Variants in SMARCB1 observed in about 807,000 individuals in gnomAD.
The protein encoded by SMARCB1 is SWI/SNF-related matrix-associated actin-dependent regulator of chromatin subfamily B member 1.
A neutral mutation model predicts 49.0 loss-of-function variants in SMARCB1; 5 were observed. That is an observed-to-expected ratio of 0.10 (90% CI 0.05 to 0.21). SMARCB1 has a LOEUF of 0.21. Among genes scored for constraint, SMARCB1 ranks in the 10% least tolerant of loss-of-function variants. The pLI is 1.00. For missense variants in SMARCB1, 226 were observed against 509.2 expected (o/e 0.44, Z 5.35); for synonymous variants, 201 against 200.1 (o/e 1.00, Z -0.04).
In SMARCB1 at chr22:23,834,242, T is replaced by C. The variant is rs1015452171; in HGVS notation, c.*62T>C. On this transcript the variant is annotated 3_prime_UTR_variant, in exon 9 of 9. Transcript: ENST00000644036. Reference sequence around the variant, plus strand: ...AGAAGATTGGGCCGCCTCTCCTCCATCTTCTGGCAAGGACAGAGGCGAGGG... The same window carrying C: ...AGAAGATTGGGCCGCCTCTCCTCCACCTTCTGGCAAGGACAGAGGCGAGGG... The C allele has an allele frequency of 2.0e-5, 31 of 1,518,958 alleles. 1 individual carries two copies. In the Middle Eastern group the frequency reaches 6.7e-4, roughly 33 times the overall value. 94.1% of individuals were successfully genotyped at this position (1,518,958 alleles called of 1,614,324 possible). A position where few individuals can be genotyped will look rare whatever the true frequency, so the allele number is the denominator to read the frequency against.
At position 23,801,661 on chromosome 22, in the gene SMARCB1, C is replaced by T. The variant is rs34998719; in HGVS notation, c.500+580C>T. 1,372 of 316,518 alleles carry T rather than the reference C, an allele frequency of 4.3e-3. 14 individuals are homozygous for T. The highest frequency in any genetic ancestry group is 0.018 in the South Asian group (669 of 36,906). The allele number at this position is 316,518 out of a possible 1,614,324, so 19.6% of individuals were successfully genotyped here. A position where few individuals can be genotyped will look rare whatever the true frequency, so the allele number is the denominator to read the frequency against. Reference sequence around the variant, plus strand: ...GTTCCAGTCTCAGCCTCTGTGGTCACGTGGCCTTCTCTGCATGAAACTTCC... The same window carrying T: ...GTTCCAGTCTCAGCCTCTGTGGTCATGTGGCCTTCTCTGCATGAAACTTCC... On this transcript the variant is annotated intron_variant, in intron 4 of 8. Transcript: ENST00000644036.
At chr22:23,807,208 A>T (rs144845368) in intron 5 of SMARCB1, among the ~76,000 whole-genome samples, 146 of 152,218 alleles carry the variant, frequency 9.6e-4, no homozygotes, top group African/African-American at 3.1e-3. Context: ...CTGTCTTGGC[A>T]CACAGGCAAA....
chr22:23,821,082 C>CT (rs2030061388), intron 6 of SMARCB1, among the ~76,000 whole-genome samples: 1 of 152,234 alleles, frequency 6.6e-6, no homozygotes, highest in Non-Finnish European at 1.5e-5. Flanking sequence ...TGTAATCCTC[C>CT]TGGGGCTGTT....
intron 5 of SMARCB1, among the ~76,000 whole-genome samples, chr22:23,806,460 G>A (rs1178833264): frequency 6.6e-6 from 1 of 152,246 alleles, no homozygotes; most frequent in African/African-American, 2.4e-5. Flanking sequence ...TGTAAGAGCT[G>A]TGATTCTTAA....
At chr22:23,797,340 G>C (rs182353544) in intron 3 of SMARCB1, among the ~76,000 whole-genome samples, 3 of 134,486 alleles carry the variant, frequency 2.2e-5, no homozygotes, top group African/African-American at 8.5e-5. Flanking sequence ...ACGGAGTTTC[G>C]CTCTGTCGCC....
intron 5 of SMARCB1, among the ~76,000 whole-genome samples, chr22:23,814,452 G>C (rs1422241486): frequency 2.0e-5 from 3 of 152,090 alleles, no homozygotes; most frequent in Non-Finnish European, 4.4e-5. Context: ...GATCACCTGA[G>C]ATCACGAGTT....
Position 23,816,793 on chromosome 22 carries a change from T to C in SMARCB1, c.652T>C (p.Phe218Leu), listed in dbSNP as rs2146009419. 8 of 1,613,998 alleles carry C rather than the reference T, an allele frequency of 5.0e-6. No individual in the cohort carries two copies. Among genetic ancestry groups the C allele is most frequent in the Non-Finnish European group, 6.8e-6 (8 of 1,180,000 alleles). The change falls in exon 6 of 9, where the codon TTT (phenylalanine) becomes CTT (leucine). Residue 218 changes from phenylalanine to leucine, a missense_variant. By Grantham distance (22) the Phe-to-Leu change is conservative. This residue lies in a region of SMARCB1 where 128 missense variants were observed against 263.9 expected (regional missense o/e 0.49). Transcript: ENST00000644036. ...MNEKLMTPEM[F>L]SEILCDDLDL... The stretch of plus-strand genomic sequence containing the variant: ...AGAGAAGTTGATGACGCCTGAGATG[T>C]TTTCAGAAATCCTCTGTGACGATCT...
At chr22:23,809,529 G>T (rs1333363693) in intron 5 of SMARCB1, among the ~76,000 whole-genome samples, 1 of 151,820 alleles carries the variant, frequency 6.6e-6, no homozygotes, top group African/African-American at 2.4e-5. Context: ...GCCCACCTCG[G>T]CCTCCCAAAG....
rs772788649 is a variant in SMARCB1, at chr22:23,803,311, C to T, written c.517C>T (p.Pro173Ser). The change falls in exon 5 of 9, where the codon CCA (proline) becomes TCA (serine). Residue 173 changes from proline (P) to serine (S), a missense_variant. By Grantham distance (74) the Pro-to-Ser change is moderately conservative (BLOSUM62 -1). Around this residue, in one of 6 missense-constraint regions of SMARCB1, gnomAD observed 128 missense variants for 263.9 expected, o/e 0.49. Coordinates refer to ENST00000644036, the MANE Select transcript of SMARCB1 (RefSeq NM_003073.5). Reference sequence around the variant, plus strand: ...CACTTTCAGCTTTGATGACCATGACCCAGCTGTGATCCATGAGAACGCATC... The same window carrying T: ...CACTTTCAGCTTTGATGACCATGACTCAGCTGTGATCCATGAGAACGCATC... ...TFPLCFDDHDPAVIHENASQP... is the reference protein window; with the variant it reads ...TFPLCFDDHDSAVIHENASQP... 4 of 1,614,066 alleles carry T rather than the reference C, an allele frequency of 2.5e-6. No homozygotes were observed. The highest frequency in any genetic ancestry group is 3.4e-6 in the Non-Finnish European group (4 of 1,180,048).
chr22:23,809,801 GA>G (rs1322994356), intron 5 of SMARCB1, among the ~76,000 whole-genome samples: 2 of 152,032 alleles, frequency 1.3e-5, no homozygotes, highest in Non-Finnish European at 2.9e-5. Context: ...TATTAATCTA[GA>G]ATCCTGTACC....
chr22:23,801,269 G>A, intron 4 of SMARCB1, 188 bp downstream of exon 4: 1 of 840,666 alleles, frequency 1.2e-6, no homozygotes. Context: ...AGCCTCCTTG[G>A]CTCTGTCTGC....
At chr22:23,820,199 TA>T (rs1690848554) in intron 6 of SMARCB1, among the ~76,000 whole-genome samples, 2 of 152,172 alleles carry the variant, frequency 1.3e-5, no homozygotes, top group Admixed American at 6.6e-5. Context: ...TCCTTTCTTG[TA>T]GTATTTTTTG....
At chr22:23,813,057 G>A (rs1242928058) in intron 5 of SMARCB1, among the ~76,000 whole-genome samples, 1 of 152,108 alleles carries the variant, frequency 6.6e-6, no homozygotes, top group East Asian at 1.9e-4. Flanking sequence ...AGTAGAGACG[G>A]GGTTTCACAG....
intron 6 of SMARCB1, chr22:23,823,180 T>C (rs1201104677): frequency 6.6e-6 from 1 of 151,998 alleles, no homozygotes; most frequent in African/African-American, 2.4e-5. Context: ...GTCTAGACTT[T>C]GGAATAAATG....
At chr22:23,830,530 C>G (rs1453048853) in intron 7 of SMARCB1, among the ~76,000 whole-genome samples, 1 of 152,000 alleles carries the variant, frequency 6.6e-6, no homozygotes, top group Non-Finnish European at 1.5e-5. Flanking sequence ...ATAGAAGTCC[C>G]TCATCAGATA....
At position 23,833,721 on chromosome 22, in the gene SMARCB1, G is replaced by A; in HGVS notation, c.1118+18G>A. ...AACACGAGGTACCCCTGGCCCTGTGGTCCTGGGCTCTGCCCACAGGCACCT... is the reference window on the plus strand; with the variant it reads ...AACACGAGGTACCCCTGGCCCTGTGATCCTGGGCTCTGCCCACAGGCACCT... On this transcript the variant is annotated intron_variant, in intron 8 of 8. Coordinates refer to ENST00000644036, the MANE Select transcript of SMARCB1 (RefSeq NM_003073.5). The A allele has an allele frequency of 6.2e-7, 1 of 1,613,812 alleles. No homozygotes were observed. Among genetic ancestry groups the A allele is most frequent in the Non-Finnish European group, 8.5e-7 (1 of 1,179,994 alleles).
At chr22:23,804,710 AT>A (rs1242770399) in intron 5 of SMARCB1, among the ~76,000 whole-genome samples, 2 of 151,974 alleles carry the variant, frequency 1.3e-5, no homozygotes, top group African/African-American at 2.4e-5. Context: ...TGCCTGGCTA[AT>A]TTTTGTATTT....
intron 7 of SMARCB1, among the ~76,000 whole-genome samples, chr22:23,832,116 G>A (rs5760060): frequency 0.38 from 58,351 of 152,022 alleles, 13,682 homozygotes; most frequent in Admixed American, 0.52. Context: ...GCCCAACCTG[G>A]AACGGGCTCA....
At chr22:23,799,542 C>T (rs1313484045) in intron 3 of SMARCB1, among the ~76,000 whole-genome samples, 4 of 97,140 alleles carry the variant, frequency 4.1e-5, no homozygotes, top group Non-Finnish European at 6.0e-5. Flanking sequence ...GATGGAGTTT[C>T]GCTCTTGTTG....
Sources: allele counts gnomAD v4.1 joint callset (sites outside exome capture counted in the v4.1 genomes callset), GRCh38; gene constraint gnomAD v4.1.1; regional missense constraint gnomAD v4.1.1; transcripts MANE v1.5; gene names NCBI Gene and HGNC (gene_info 2026-07-23, HGNC 2026-07-21).